Variants in GPM6A observed in about 807,000 individuals in gnomAD.
The protein encoded by GPM6A is neuronal membrane glycoprotein M6-a.
GPM6A carries 7 observed loss-of-function variants against 32.1 expected under a neutral mutation model. The ratio of observed to expected loss-of-function variants is 0.22; its 90% CI spans 0.12 to 0.41. GPM6A has a LOEUF of 0.41. Among genes scored for constraint, GPM6A ranks in the 10% least tolerant of loss-of-function variants. GPM6A has a pLI of 1.00. For synonymous variants in GPM6A, 130 were observed against 123.4 expected, an observed-to-expected ratio of 1.05 and a Z score of -0.35; for missense variants, 235 against 347.2, an observed-to-expected ratio of 0.68 and a Z score of 2.57.
chr4:175,654,339 G>A (rs565241741), intron 3 of GPM6A: 1 of 152,130 alleles, frequency 6.6e-6, no homozygotes, highest in South Asian at 2.1e-4. Context: ...TTATACTTCC[G>A]TTTCTGTTTC....
intron 1 of GPM6A, among the ~76,000 whole-genome samples, chr4:175,997,219 T>C (rs943335454): frequency 6.6e-6 from 1 of 152,136 alleles, no homozygotes; most frequent in Non-Finnish European, 1.5e-5. Context: ...GAACCGTGAA[T>C]GAAAATAATA....
intron 2 of GPM6A, among the ~76,000 whole-genome samples, 186 bp downstream of exon 2, chr4:175,701,389 G>T (rs1744871431): frequency 6.6e-6 from 1 of 152,128 alleles, no homozygotes. Context: ...CTGATCCTGT[G>T]CTACGTGCCT....
upstream of GPM6A, among the ~76,000 whole-genome samples, chr4:175,815,874 T>G (rs1380974378): frequency 6.6e-6 from 1 of 152,044 alleles, no homozygotes; most frequent in Non-Finnish European, 1.5e-5. Context: ...TGTGTCACCA[T>G]GCCCAGTTAA....
intron 1 of GPM6A, among the ~76,000 whole-genome samples, chr4:175,990,302 C>A (rs143840843): frequency 3.1e-4 from 47 of 152,290 alleles, no homozygotes; most frequent in African/African-American, 1.1e-3. Context: ...AACCATCCAG[C>A]TGCTCGTCAA....
chr4:175,789,773 C>T (rs773497310), intron 1 of GPM6A, among the ~76,000 whole-genome samples: 3 of 152,122 alleles, frequency 2.0e-5, no homozygotes, highest in Non-Finnish European at 4.4e-5. Flanking sequence ...GTCGTTTTAC[C>T]ATCTTCCTGC....
chr4:175,874,818 A>G (rs1480303142), intron 1 of GPM6A, among the ~76,000 whole-genome samples: 4 of 152,178 alleles, frequency 2.6e-5, no homozygotes, highest in Non-Finnish European at 5.9e-5. Context: ...GTTCATTTCA[A>G]TTGGCATACA....
chr4:175,907,809 AC>A (rs754522518), intron 1 of GPM6A, among the ~76,000 whole-genome samples: 6 of 152,200 alleles, frequency 3.9e-5, no homozygotes, highest in Non-Finnish European at 8.8e-5. Flanking sequence ...TAAAAGATAA[AC>A]ATGTTTATCT....
intron 1 of GPM6A, among the ~76,000 whole-genome samples, chr4:175,763,638 C>G (rs1560920179): frequency 6.6e-6 from 1 of 152,020 alleles, no homozygotes; most frequent in Admixed American, 6.6e-5. Flanking sequence ...ATAGTAGGCT[C>G]TTTACTTAAC....
intron 1 of GPM6A, chr4:175,787,441 A>G (rs1008369047): frequency 1.3e-5 from 19 of 1,509,798 alleles, no homozygotes; most frequent in African/African-American, 4.2e-5. Context: ...ACAATTTAAC[A>G]TTCTGTTTCG....
At chr4:175,644,087 T>C (rs75452393) in intron 4 of GPM6A, among the ~76,000 whole-genome samples, 1 of 151,832 alleles carries the variant, frequency 6.6e-6, no homozygotes, top group Non-Finnish European at 1.5e-5. Context: ...CCAACTCTAC[T>C]TTCTTTCATT....
At chr4:175,852,369 T>A (rs1736285828) in intron 1 of GPM6A, among the ~76,000 whole-genome samples, 1 of 151,954 alleles carries the variant, frequency 6.6e-6, no homozygotes, top group Non-Finnish European at 1.5e-5. Flanking sequence ...CTTACGGAGA[T>A]AAATGAATCG....
chr4:175,716,129 C>T (rs114554285), intron 1 of GPM6A, among the ~76,000 whole-genome samples: 254 of 152,232 alleles, frequency 1.7e-3, no homozygotes, highest in African/African-American at 5.7e-3. Flanking sequence ...ATATCTGACA[C>T]GTAGTAGGTG....
intron 1 of GPM6A, among the ~76,000 whole-genome samples, chr4:175,722,973 T>C (rs1746223320): frequency 6.6e-6 from 1 of 151,942 alleles, no homozygotes; most frequent in African/African-American, 2.4e-5. Flanking sequence ...TACTTGAGCC[T>C]GGGAGGTGGA....
At position 175,640,815 on chromosome 4, in the gene GPM6A, C is replaced by A. The variant is rs1741096899; in HGVS notation, c.556G>T (p.Gly186Ter). The stretch of plus-strand genomic sequence containing the variant: ...ACAGTACAAATTTTCTTTTCCTCTC[C>A]AATTGTCACAATTCCTACAATGTGT... ...DLRQFGIVTI[G>*]EEKKICTVSE... is the part of the protein sequence containing the mutation. Residue 186 changes from glycine (G) to a stop codon, truncating the protein, a stop_gained, in exon 5 of 7, where the codon GGA (glycine) becomes TGA (stop). Transcript: ENST00000393658. LOFTEE classifies it high-confidence loss of function. The A allele has an allele frequency of 6.3e-7, 1 of 1,596,356 alleles. No homozygotes were observed. The highest frequency in any genetic ancestry group is 1.3e-5 in the African/African-American group (1 of 74,572).
intron 1 of GPM6A, among the ~76,000 whole-genome samples, chr4:175,915,317 C>T (rs1184259451): frequency 6.7e-6 from 1 of 148,930 alleles, no homozygotes; most frequent in Non-Finnish European, 1.5e-5. Flanking sequence ...CATGGAGTCT[C>T]GCTCTGTCAC....
chr4:175,978,110 C>T (rs1740714376), intron 1 of GPM6A, among the ~76,000 whole-genome samples: 1 of 152,136 alleles, frequency 6.6e-6, no homozygotes, highest in South Asian at 2.1e-4. Flanking sequence ...TTTCACCCTG[C>T]TATAAAGATA....
intron 1 of GPM6A, among the ~76,000 whole-genome samples, chr4:175,928,815 G>A (rs1482251972): frequency 6.6e-6 from 1 of 152,110 alleles, no homozygotes; most frequent in Non-Finnish European, 1.5e-5. Flanking sequence ...GTATAGTTTG[G>A]CCAAAGTACT....
At chr4:175,815,718 C>CTTTTTTTTTT (rs60711329), upstream of GPM6A, among the ~76,000 whole-genome samples, 1 of 127,118 alleles carries the variant, frequency 7.9e-6, no homozygotes, top group African/African-American at 3.0e-5. Flanking sequence ...TTTTTCTTTT[C>CTTTTTTTTTT]TTTTTTTTTT....
At chr4:175,772,953 C>A (rs986511486) in intron 1 of GPM6A, among the ~76,000 whole-genome samples, 20 of 152,174 alleles carry the variant, frequency 1.3e-4, no homozygotes, top group African/African-American at 4.8e-4. Context: ...CAATAATTCA[C>A]CTTAGGTCTT....
Sources: allele counts gnomAD v4.1 joint callset (sites outside exome capture counted in the v4.1 genomes callset), GRCh38; gene constraint gnomAD v4.1.1; transcripts MANE v1.5; gene names NCBI Gene and HGNC (gene_info 2026-07-23, HGNC 2026-07-21).